The following RNF223 variants were observed in gnomAD, a reference collection of about 807,000 sequenced individuals.
RNF223 encodes ring finger protein 223.
Under a neutral mutation model 13.9 loss-of-function variants are expected in RNF223, and 10 were observed. The ratio of observed to expected loss-of-function variants is 0.72; its 90% CI spans 0.44 to 1.22. The LOEUF (loss-of-function observed/expected upper bound fraction) is 1.22. Ranked by LOEUF, RNF223 falls within the 50% of genes most tolerant of loss-of-function variation. The pLI, the probability that RNF223 is intolerant of heterozygous loss-of-function variation, is 0.00. For synonymous variants in RNF223, 168 were observed against 173.3 expected (o/e 0.97, Z 0.24); for missense variants, 379 against 380.0 (o/e 1.00, Z 0.02).
intron 1 of RNF223, among the ~76,000 whole-genome samples, chr1:1,073,697 C>A (rs917847350): frequency 1.3e-5 from 2 of 152,144 alleles, no homozygotes; most frequent in African/African-American, 4.8e-5. Flanking sequence ...CAGTGAGACT[C>A]AAGGGCCTGG....
Position 1,071,948 on chromosome 1 carries a change from G to C in RNF223, c.619C>G (p.Leu207Val), listed in dbSNP as rs1439188521. Residue 207 changes from leucine to valine, a missense_variant, in exon 2 of 2, where the codon CTC becomes GTC. Coordinates refer to ENST00000453464, the MANE Select transcript of RNF223 (RefSeq NM_001205252.2). ...MALVSALLLM[L>V]FCVALWPVQC... The stretch of plus-strand genomic sequence containing the variant: ...ACCGGCCAGAGTGCCACACAGAAGA[G>C]CATCAGCAGCAGGGCAGAGACCAGT... 1 of 1,533,958 alleles carries C rather than the reference G, an allele frequency of 6.5e-7. No individual in the cohort carries two copies. Among genetic ancestry groups the C allele is most frequent in the Admixed American group, 2.0e-5 (1 of 50,908 alleles).
Position 1,072,227 on chromosome 1 carries a change from C to A in RNF223, c.340G>T (p.Ala114Ser). 2.0e-6 allele frequency: 3 copies of A among 1,464,636 alleles called. No individual in the cohort carries two copies. Among genetic ancestry groups the A allele is most frequent in the Admixed American group, 5.1e-5 (2 of 39,536 alleles). The allele number at this position is 1,464,636 out of a possible 1,614,324, so 90.7% of individuals were successfully genotyped here. The change falls in exon 2 of 2, where the codon GCG (alanine) becomes TCG (serine). Residue 114 changes from alanine (A) to serine (S), a missense_variant. Coordinates refer to ENST00000453464, the MANE Select transcript of RNF223 (RefSeq NM_001205252.2). ...PTAVPPAGAP[A>S]LCTSRQLQAR... ...TGCAGCTGGCGGCTGGTGCACAGCG[C>A]GGGGGCTCCGGCGGGCGGCACGGCC...
Position 1,072,305 on chromosome 1 carries a change from C to T in RNF223, c.262G>A (p.Val88Met), listed in dbSNP as rs955057968. The change falls in exon 2 of 2, where the codon GTG becomes ATG. Residue 88 changes from valine to methionine, a missense_variant. By Grantham distance (21) the Val-to-Met change is conservative. Transcript: ENST00000453464. ...CLARLAAAQP[V>M]GRPGGEAVPC... ...ACAGCCTCACCACCGGGGCGGCCCA[C>T]AGGCTGAGCAGCCGCCAGCCGGGCC... is the stretch of plus-strand genomic sequence containing the variant. The T allele has an allele frequency of 6.2e-6, 9 of 1,445,002 alleles. No individual in the cohort carries two copies. The highest frequency in any genetic ancestry group is 8.1e-6 in the Non-Finnish European group (9 of 1,106,084). 89.5% of individuals were successfully genotyped at this position (1,445,002 alleles called of 1,614,324 possible). A position where few individuals can be genotyped will look rare whatever the true frequency, so the allele number is the denominator to read the frequency against.
Position 1,072,190 on chromosome 1 carries a change from G to T in RNF223, c.377C>A (p.Pro126Gln). Residue 126 changes from proline to glutamine, a missense_variant, in exon 2 of 2, where the codon CCG becomes CAG. Coordinates refer to ENST00000453464, the MANE Select transcript of RNF223 (RefSeq NM_001205252.2). ...CTSRQLQARM[P>Q]AHLRREEPVW... ...AGGCTCCTCACGCCGCAAATGCGCC[G>T]GCATCCGGGCCTGCAGCTGGCGGCT... 6.7e-7 allele frequency: 1 copy of T among 1,501,140 alleles called. No individual in the cohort carries two copies. The highest frequency in any genetic ancestry group is 8.8e-7 in the Non-Finnish European group (1 of 1,131,544). The allele number at this position is 1,501,140 out of a possible 1,614,324, so 93.0% of individuals were successfully genotyped here. A position where few individuals can be genotyped will look rare whatever the true frequency, so the allele number is the denominator to read the frequency against.
At position 1,071,800 on chromosome 1, in the gene RNF223, G is replaced by A. The variant is rs967321124; in HGVS notation, c.*17C>T. The A allele has an allele frequency of 1.4e-6, 2 of 1,477,472 alleles. No individual in the cohort carries two copies. The highest frequency in any genetic ancestry group is 2.6e-5 in the East Asian group (1 of 37,804). 91.5% of individuals were successfully genotyped at this position (1,477,472 alleles called of 1,614,324 possible). Reference sequence around the variant, plus strand: ...GAGCTGGGCGAGGGCGGCTGACCTGGGCAGAGGCTGCTGGCCCTAATTATC... The same window carrying A: ...GAGCTGGGCGAGGGCGGCTGACCTGAGCAGAGGCTGCTGGCCCTAATTATC... On this transcript the variant is annotated 3_prime_UTR_variant, in exon 2 of 2. Coordinates refer to ENST00000453464, the MANE Select transcript of RNF223 (RefSeq NM_001205252.2).
intron 1 of RNF223, 100 bp from the exon 2 acceptor site, chr1:1,072,675 A>G (rs1445512833): frequency 4.8e-6 from 5 of 1,038,878 alleles, no homozygotes; most frequent in East Asian, 5.9e-5. Context: ...CCAGGGAAGG[A>G]CTCTGTTTCC....
At position 1,072,135 on chromosome 1, in the gene RNF223, G is replaced by A; in HGVS notation, c.432C>T (p.Cys144=). 1 of 1,517,438 alleles carries A rather than the reference G, an allele frequency of 6.6e-7. No individual in the cohort carries two copies. The allele number at this position is 1,517,438 out of a possible 1,614,324, so 94.0% of individuals were successfully genotyped here. A position where few individuals can be genotyped will look rare whatever the true frequency, so the allele number is the denominator to read the frequency against. The change falls in exon 2 of 2, where the codon TGC becomes TGT. Residue 144 remains cysteine, a synonymous_variant. Coordinates refer to ENST00000453464, the MANE Select transcript of RNF223 (RefSeq NM_001205252.2). ...GGCCAGGTGTGGTGGGCAGTGGCTG[G>A]CAGCACAGCTTGGTGCCCTCCAGCC... The part of the protein sequence containing the change: ...PVWLEGTKLC[C]QPLPTTPGRE...
rs1645639665 is a variant in RNF223, at chr1:1,071,659, G to T, written c.*158C>A. 3.5e-6 allele frequency: 2 copies of T among 571,336 alleles called. No homozygotes were observed. The highest frequency in any genetic ancestry group is 6.0e-6 in the Non-Finnish European group (2 of 335,912). The allele number at this position is 571,336 out of a possible 1,614,324, so 35.4% of individuals were successfully genotyped here. A position where few individuals can be genotyped will look rare whatever the true frequency, so the allele number is the denominator to read the frequency against. ...GGGGTGGACAAGCTAAATGGAGCCT[G>T]GTCTTGGTGGGGCCCCGGTGGAGTC... On this transcript the variant is annotated 3_prime_UTR_variant, in exon 2 of 2. Transcript: ENST00000453464.
At position 1,072,611 on chromosome 1, in the gene RNF223, C is replaced by T. The variant is rs565137108; in HGVS notation, c.-9-36G>A. ...GGGACTGTGGTAAGCAATCACCGGC[C>T]GCCCCTTTCTGGTGGTGTTTTATCT... On this transcript the variant is annotated intron_variant, in intron 1 of 1. Coordinates refer to ENST00000453464, the MANE Select transcript of RNF223 (RefSeq NM_001205252.2). The T allele has an allele frequency of 9.7e-4, 1,383 of 1,426,146 alleles. 2 individuals are homozygous for T. The highest frequency in any genetic ancestry group is 1.1e-3 in the Non-Finnish European group (1,222 of 1,090,442). 88.3% of individuals were successfully genotyped at this position (1,426,146 alleles called of 1,614,324 possible).
rs1266552729 is a variant in RNF223, at chr1:1,071,995, C to T, written c.572G>A (p.Cys191Tyr). ...RGRLARCWAR[C>Y]RDWRRMALVS... is the part of the protein sequence containing the mutation. ...CAGTGCCATGCGCCTCCAGTCCCTG[C>T]AGCGCGCCCAGCAGCGGGCCAGGCG... is the stretch of plus-strand genomic sequence containing the variant. The change falls in exon 2 of 2, where the codon TGC (cysteine) becomes TAC (tyrosine). Residue 191 changes from cysteine (C) to tyrosine (Y), a missense_variant. Cys to Tyr is a radical substitution (Grantham distance 194, BLOSUM62 -2). Transcript: ENST00000453464. The T allele has an allele frequency of 1.3e-6, 2 of 1,510,198 alleles. No homozygotes were observed. Among genetic ancestry groups the T allele is most frequent in the African/African-American group, 1.4e-5 (1 of 69,380 alleles). 93.5% of individuals were successfully genotyped at this position (1,510,198 alleles called of 1,614,324 possible). A position where few individuals can be genotyped will look rare whatever the true frequency, so the allele number is the denominator to read the frequency against.
In RNF223 at chr1:1,071,863, G is replaced by T. The variant is rs1645641409; in HGVS notation, c.704C>A (p.Ala235Asp). ...GAGGGGGGAGGCGGCTGTGCTGGTG[G>T]CCGGGGGCCGGGGGGGCAGGGGCAG... ...RCLPLPPRPPATSTAASPLGP... is the reference protein window; with the variant it reads ...RCLPLPPRPPDTSTAASPLGP... Residue 235 changes from alanine to aspartate, a missense_variant, in exon 2 of 2, where the codon GCC becomes GAC. Coordinates refer to ENST00000453464, the MANE Select transcript of RNF223 (RefSeq NM_001205252.2). 8 of 1,525,240 alleles carry T rather than the reference G, an allele frequency of 5.2e-6. No individual in the cohort carries two copies. The South Asian group carries it at 8.4e-5, about 16-fold the overall frequency. 94.5% of individuals were successfully genotyped at this position (1,525,240 alleles called of 1,614,324 possible).
In RNF223 at chr1:1,072,108, G is replaced by T. The variant is rs988074668; in HGVS notation, c.459C>A (p.Arg153=). 5.3e-6 allele frequency: 8 copies of T among 1,515,694 alleles called. No individual in the cohort carries two copies. The African/African-American group carries it at 1.1e-4, about 22-fold the overall frequency. 93.9% of individuals were successfully genotyped at this position (1,515,694 alleles called of 1,614,324 possible). The change falls in exon 2 of 2, where the codon CGC becomes CGA. Residue 153 remains arginine, a synonymous_variant. Transcript: ENST00000453464. ...CCQPLPTTPG[R]EPGFVCVDVG... ...CGTCCACGCATACGAAACCGGGCTC[G>T]CGGCCAGGTGTGGTGGGCAGTGGCT...
chr1:1,073,846 C>T lies in RNF223; in HGVS notation c.-10+170G>A, dbSNP rs1021579163. On this transcript the variant is annotated intron_variant, in intron 1 of 1. Coordinates refer to ENST00000453464, the MANE Select transcript of RNF223 (RefSeq NM_001205252.2). The stretch of plus-strand genomic sequence containing the variant: ...CACTGTGACCACCTGAGTCACACGC[C>T]GTCACTGTGAGGCCGTGAGTGCCCC... Among the ~76,000 whole-genome samples the T allele has an allele frequency of 7.9e-5, 12 of 152,284 alleles. No homozygotes were observed. The East Asian group carries it at 1.5e-3, about 20-fold the overall frequency.
rs1409115292 is a variant in RNF223, at chr1:1,072,273, G to T, written c.294C>A (p.Cys98Ter). Residue 98 changes from cysteine (C) to a stop codon, truncating the protein, a stop_gained, in exon 2 of 2, where the codon TGC becomes TGA. Coordinates refer to ENST00000453464, the MANE Select transcript of RNF223 (RefSeq NM_001205252.2). LOFTEE classifies it high-confidence loss of function. The part of the protein sequence containing the change: ...VGRPGGEAVP[C>*]PFCRQPTAVP... ...CGGCCGTGGGCTGCCTGCAGAAGGG[G>T]CAAGGTACAGCCTCACCACCGGGGC... The T allele has an allele frequency of 2.1e-6, 3 of 1,440,952 alleles. No individual in the cohort carries two copies. Among genetic ancestry groups the T allele is most frequent in the Admixed American group, 2.8e-5 (1 of 36,248 alleles). 89.3% of individuals were successfully genotyped at this position (1,440,952 alleles called of 1,614,324 possible).
At chr1:1,072,904 C>T (rs775263356) in intron 1 of RNF223, among the ~76,000 whole-genome samples, 6 of 152,184 alleles carry the variant, frequency 3.9e-5, no homozygotes, top group Admixed American at 6.5e-5. Context: ...CCCTGCTGCC[C>T]GGGCAGAAAT....
In RNF223 at chr1:1,071,767, G is replaced by A. The variant is rs1461296512; in HGVS notation, c.*50C>T. On this transcript the variant is annotated 3_prime_UTR_variant, in exon 2 of 2. Transcript: ENST00000453464. ...GCCCTTGGGCCCCCCAGTGGGGGAC[G>A]CCCCATGGAGCTGGGCGAGGGCGGC... The A allele has an allele frequency of 2.3e-5, 32 of 1,388,484 alleles. No individual in the cohort carries two copies. Among genetic ancestry groups the A allele is most frequent in the East Asian group, 2.3e-4 (8 of 35,462 alleles). The allele number at this position is 1,388,484 out of a possible 1,614,324, so 86.0% of individuals were successfully genotyped here. A position where few individuals can be genotyped will look rare whatever the true frequency, so the allele number is the denominator to read the frequency against.
At position 1,071,694 on chromosome 1, in the gene RNF223, G is replaced by A; in HGVS notation, c.*123C>T. The A allele has an allele frequency of 1.2e-6, 1 of 833,052 alleles. No individual in the cohort carries two copies. Among genetic ancestry groups the A allele is most frequent in the South Asian group, 2.0e-5 (1 of 49,054 alleles). 51.6% of individuals were successfully genotyped at this position (833,052 alleles called of 1,614,324 possible). On this transcript the variant is annotated 3_prime_UTR_variant, in exon 2 of 2. Coordinates refer to ENST00000453464, the MANE Select transcript of RNF223 (RefSeq NM_001205252.2). ...GGGCCCCGGTGGAGTCCTCAGAGAT[G>A]CCAGGCTCCTTTCGCGTCCTCGGGG...
chr1:1,071,877 G>A lies in RNF223; in HGVS notation c.690C>T (p.Pro230=), dbSNP rs902646950. 3.9e-6 allele frequency: 6 copies of A among 1,529,796 alleles called. No homozygotes were observed. Among genetic ancestry groups the A allele is most frequent in the African/African-American group, 1.4e-5 (1 of 72,680 alleles). 94.8% of individuals were successfully genotyped at this position (1,529,796 alleles called of 1,614,324 possible). A position where few individuals can be genotyped will look rare whatever the true frequency, so the allele number is the denominator to read the frequency against. ...KTGNLRCLPL[P]PRPPATSTAA... is the part of the protein sequence containing the mutation. ...CTGTGCTGGTGGCCGGGGGCCGGGG[G>A]GGCAGGGGCAGGCAGCGCAGGTTCC... Residue 230 remains proline, a synonymous_variant, in exon 2 of 2, where the codon CCC becomes CCT. Transcript: ENST00000453464.
chr1:1,072,786 A>G (rs1267853421), intron 1 of RNF223, among the ~76,000 whole-genome samples: 1 of 152,130 alleles, frequency 6.6e-6, no homozygotes, highest in African/African-American at 2.4e-5. Context: ...CACCGGGGTG[A>G]GCCTCCCACA....
Sources: gnomAD v4.1 joint callset for allele counts (sites outside exome capture counted in the v4.1 genomes callset) on GRCh38, gnomAD v4.1.1 for gene constraint, MANE v1.5 for transcripts, NCBI Gene and HGNC (gene_info 2026-07-23, HGNC 2026-07-21) for gene names.